The following ANKRD42 variants were observed in gnomAD, a reference collection of about 807,000 sequenced individuals.
ANKRD42 encodes ankyrin repeat domain-containing protein 42.
A neutral mutation model predicts 51.5 loss-of-function variants in ANKRD42; 43 were observed. The ratio of observed to expected loss-of-function variants is 0.83; its 90% CI spans 0.65 to 1.08. ANKRD42 has a LOEUF of 1.08. ANKRD42 is among the 50% of genes least tolerant of loss of function. ANKRD42 has a pLI of 0.00. For missense variants in ANKRD42, 608 were observed against 629.3 expected, an observed-to-expected ratio of 0.97 and a Z score of 0.36; for synonymous variants, 203 against 213.0, an observed-to-expected ratio of 0.95 and a Z score of 0.41.
chr11:83,206,888 T>A (rs1862097402), intron 3 of ANKRD42, among the ~76,000 whole-genome samples: 1 of 152,228 alleles, frequency 6.6e-6, no homozygotes, highest in Admixed American at 6.5e-5. Context: ...TTAGAGTAAT[T>A]AATTTATTCA....
chr11:83,218,767 G>A (rs775127953), intron 5 of ANKRD42, among the ~76,000 whole-genome samples: 2 of 152,164 alleles, frequency 1.3e-5, no homozygotes, highest in African/African-American at 2.4e-5. Context: ...CCCTCAGTAC[G>A]GAGGTAATTG....
At chr11:83,254,880 T>C (rs545862661) in intron 11 of ANKRD42, among the ~76,000 whole-genome samples, 2 of 152,216 alleles carry the variant, frequency 1.3e-5, no homozygotes, top group African/African-American at 2.4e-5. Context: ...TATTACCCTA[T>C]GCCCACAAAC....
intron 2 of ANKRD42, among the ~76,000 whole-genome samples, chr11:83,203,667 C>A (rs1372933522): frequency 6.6e-6 from 1 of 152,156 alleles, no homozygotes; most frequent in Non-Finnish European, 1.5e-5. Flanking sequence ...GCTAGGATTA[C>A]AGGCATGAAC....
intron 7 of ANKRD42, among the ~76,000 whole-genome samples, chr11:83,229,702 A>C (rs1863009045): frequency 6.6e-6 from 1 of 152,184 alleles, no homozygotes; most frequent in African/African-American, 2.4e-5. Context: ...ATGAGGAGCC[A>C]AAAGAGTTTG....
intron 9 of ANKRD42, among the ~76,000 whole-genome samples, chr11:83,242,566 AG>A (rs769918886): frequency 1.5e-5 from 1 of 64,890 alleles, no homozygotes; most frequent in East Asian, 3.5e-4. Context: ...ATGGTAGTTA[AG>A]TTTTTTTTTT....
In ANKRD42 at chr11:83,193,771, C is replaced by G. The variant is rs1478860881; in HGVS notation, c.-900C>G. Reference sequence around the variant, plus strand: ...CAGCCAAGTGGCTGGAGTCGGGAGGCTGGAAAGAGACTCCGAGAAAGTACC... The same window carrying G: ...CAGCCAAGTGGCTGGAGTCGGGAGGGTGGAAAGAGACTCCGAGAAAGTACC... On this transcript the variant is annotated 5_prime_UTR_variant, in exon 1 of 11. Transcript: ENST00000533342. 2.2e-6 allele frequency: 1 copy of G among 446,230 alleles called. No individual in the cohort carries two copies. The highest frequency in any genetic ancestry group is 4.5e-6 in the Non-Finnish European group (1 of 222,428). 27.6% of individuals were successfully genotyped at this position (446,230 alleles called of 1,614,324 possible). A position where few individuals can be genotyped will look rare whatever the true frequency, so the allele number is the denominator to read the frequency against.
chr11:83,241,065 C>A, intron 9 of ANKRD42, 131 bp downstream of exon 9: 1 of 1,097,306 alleles, frequency 9.1e-7, no homozygotes, highest in Non-Finnish European at 1.3e-6. Flanking sequence ...TTTGGAGGAA[C>A]TAGAACTAAT....
intron 5 of ANKRD42, among the ~76,000 whole-genome samples, chr11:83,215,945 C>T (rs981833490): frequency 2.0e-5 from 3 of 152,084 alleles, no homozygotes; most frequent in Admixed American, 6.5e-5. Context: ...CAGATGCCCA[C>T]CCCCATGCCC....
chr11:83,205,152 C>T (rs555000903), intron 2 of ANKRD42, among the ~76,000 whole-genome samples: 6 of 152,296 alleles, frequency 3.9e-5, no homozygotes, highest in Admixed American at 1.3e-4. Context: ...CTAGCAATCT[C>T]ACTTCTACAT....
chr11:83,216,543 C>G (rs1044282983), intron 5 of ANKRD42, among the ~76,000 whole-genome samples: 3 of 152,160 alleles, frequency 2.0e-5, no homozygotes, highest in East Asian at 3.9e-4. Context: ...CCAGGATGGT[C>G]TCGATCTCCT....
chr11:83,212,884 TTTAC>T, intron 5 of ANKRD42: 1 of 1,441,674 alleles, frequency 6.9e-7, no homozygotes, highest in Non-Finnish European at 9.1e-7. Context: ...TCTCATTCTT[TTTAC>T]TTTGTATTTT....
chr11:83,199,724 C>T, intron 2 of ANKRD42, among the ~76,000 whole-genome samples: 1 of 152,152 alleles, frequency 6.6e-6, no homozygotes, highest in East Asian at 1.9e-4. Flanking sequence ...GTTGACAATG[C>T]ATTGTCTTTT....
At chr11:83,203,256 A>C (rs993182733) in intron 2 of ANKRD42, among the ~76,000 whole-genome samples, 6 of 152,098 alleles carry the variant, frequency 3.9e-5, no homozygotes, top group African/African-American at 1.4e-4. Context: ...TGGCCTCCCA[A>C]TAGGGATTAC....
At chr11:83,227,624 C>A in intron 6 of ANKRD42, 123 bp from the exon 7 acceptor site, 2 of 941,064 alleles carry the variant, frequency 2.1e-6, no homozygotes, top group Non-Finnish European at 3.1e-6. Flanking sequence ...ATCAACTGAA[C>A]TCATCCGATT....
intron 5 of ANKRD42, chr11:83,213,330 G>A: frequency 1.3e-6 from 2 of 1,583,528 alleles, no homozygotes; most frequent in South Asian, 1.1e-5. Flanking sequence ...AAGCCATCGT[G>A]GAAAGAGCTG....
intron 5 of ANKRD42, chr11:83,213,930 G>C (rs769136969): frequency 6.6e-6 from 1 of 152,060 alleles, no homozygotes; most frequent in East Asian, 1.9e-4. Context: ...TTGCTCTGTC[G>C]CACAGGCTGG....
chr11:83,215,034 A>G (rs1862477938), intron 5 of ANKRD42: 1 of 152,144 alleles, frequency 6.6e-6, no homozygotes, highest in Non-Finnish European at 1.5e-5. Context: ...CTCCAATTCC[A>G]TCCATCTTGT....
intron 2 of ANKRD42, among the ~76,000 whole-genome samples, chr11:83,200,442 C>T (rs888116317): frequency 2.0e-5 from 3 of 152,034 alleles, no homozygotes; most frequent in Non-Finnish European, 4.4e-5. Flanking sequence ...TTCAACTAGT[C>T]TAACACTAAA....
At chr11:83,218,622 T>A (rs1862616500) in intron 5 of ANKRD42, among the ~76,000 whole-genome samples, 2 of 152,252 alleles carry the variant, frequency 1.3e-5, no homozygotes, top group Non-Finnish European at 2.9e-5. Flanking sequence ...ATTCTCATCC[T>A]ACTGTTTGTG....
Sources: allele counts gnomAD v4.1 joint callset (sites outside exome capture counted in the v4.1 genomes callset), GRCh38; gene constraint gnomAD v4.1.1; transcripts MANE v1.5; gene names NCBI Gene and HGNC (gene_info 2026-07-23, HGNC 2026-07-21).